The following CARS1 variants were observed in gnomAD, a reference collection of about 807,000 sequenced individuals.
CARS1 encodes cysteinyl-tRNA synthetase 1.
A neutral mutation model predicts 106.2 loss-of-function variants in CARS1; 48 were observed. That is an observed-to-expected ratio of 0.45 (90% confidence interval 0.36 to 0.57). The LOEUF (loss-of-function observed/expected upper bound fraction) is 0.57, where lower values mean the gene tolerates loss of function less well. CARS1 is among the 20% of genes least tolerant of loss of function. The pLI is 0.00. For missense variants in CARS1, 968 were observed against 1,057.2 expected, an observed-to-expected ratio of 0.92 and a Z score of 1.17; for synonymous variants, 409 against 403.4, an observed-to-expected ratio of 1.01 and a Z score of -0.17.
At chr11:3,012,099 C>A in intron 18 of CARS1, 96 bp downstream of exon 18, 1 of 1,131,130 alleles carries the variant, frequency 8.8e-7, no homozygotes, top group Non-Finnish European at 1.3e-6. Flanking sequence ...GAGGATGATC[C>A]GGCCTGAACG....
At chr11:3,042,403 C>A in intron 2 of CARS1, 147 bp from the exon 3 acceptor site, 1 of 593,300 alleles carries the variant, frequency 1.7e-6, no homozygotes. Context: ...TCTCGGTCAA[C>A]ATTACGCAGG....
Position 3,050,067 on chromosome 11 carries a change from G to A in CARS1, c.26-2066C>T, listed in dbSNP as rs1165177318. Among the ~76,000 whole-genome samples the A allele has an allele frequency of 4.6e-5, 7 of 152,206 alleles. No individual in the cohort carries two copies. Among genetic ancestry groups the A allele is most frequent in the African/African-American group, 1.4e-4 (6 of 41,444 alleles). ...GCTCTTCACCCGCCAGGGAGCCTAC[G>A]GAGCCACGTGATGCCCCAAGGCCCA... is the stretch of plus-strand genomic sequence containing the variant. On this transcript the variant is annotated intron_variant, in intron 1 of 22. Coordinates refer to ENST00000380525, the MANE Select transcript of CARS1 (RefSeq NM_001014437.3). The surrounding 1 kb of genome is among the most constrained non-coding windows in gnomAD (Gnocchi z 6.3).
At chr11:3,024,414 G>C (rs563723982) in intron 10 of CARS1, among the ~76,000 whole-genome samples, 2 of 151,962 alleles carry the variant, frequency 1.3e-5, no homozygotes, top group Non-Finnish European at 2.9e-5. Context: ...CGTCCGTCCT[G>C]TCAGTGTTGG....
chr11:3,050,682 C>T lies in CARS1; in HGVS notation c.26-2681G>A, dbSNP rs1027986921. ...GGGCCCCCACCTGACTCACAATACC[C>T]TAGTCACATGGCCCCTCCACCTGCT... On this transcript the variant is annotated intron_variant, in intron 1 of 22. Coordinates refer to ENST00000380525, the MANE Select transcript of CARS1 (RefSeq NM_001014437.3). This position sits in a 1 kb window ranked among gnomAD's most constrained non-coding sequence, Gnocchi z 6.3. Among the ~76,000 whole-genome samples, 1 of 152,234 alleles carries T rather than the reference C, an allele frequency of 6.6e-6. No individual in the cohort carries two copies. The highest frequency in any genetic ancestry group is 2.1e-4 in the South Asian group (1 of 4,828).
chr11:3,042,283 G>C lies in CARS1; in HGVS notation c.275-27C>G, dbSNP rs776830980. The C allele has an allele frequency of 5.7e-6, 9 of 1,582,304 alleles. No individual in the cohort carries two copies. The Admixed American group carries it at 1.5e-4, about 27-fold the overall frequency. On this transcript the variant is annotated intron_variant, in intron 2 of 22. Coordinates refer to ENST00000380525, the MANE Select transcript of CARS1 (RefSeq NM_001014437.3). ...TGGGAGGCAGAGAGAGCAGGATCAG[G>C]GTCCAGGGGCAGCACCAGGAAGTGC...
Position 3,019,155 on chromosome 11 carries a change from T to C in CARS1, c.1379A>G (p.Glu460Gly). ...TTCACCTACCTCCGACTGTGCCAGC[T>C]CATTGTCATGGTGGGGGAACCGGAG... ...FDLRFPHHDN[E>G]LAQSEAYFEN... Residue 460 changes from glutamate (E) to glycine (G), a missense_variant, in exon 12 of 23, where the codon GAG (glutamate) becomes GGG (glycine). Transcript: ENST00000380525. The surrounding 1 kb of genome is among the most constrained non-coding windows in gnomAD (Gnocchi z 6.2). 6.6e-7 allele frequency: 1 copy of C among 1,523,098 alleles called. No individual in the cohort carries two copies. Among genetic ancestry groups the C allele is most frequent in the Non-Finnish European group, 8.8e-7 (1 of 1,139,280 alleles). The allele number at this position is 1,523,098 out of a possible 1,614,324, so 94.3% of individuals were successfully genotyped here. A position where few individuals can be genotyped will look rare whatever the true frequency, so the allele number is the denominator to read the frequency against.
chr11:3,017,093 G>A lies in CARS1; in HGVS notation c.1917+13C>T. ...ACAGGCTGAGGGATACGCCTGCCTG[G>A]GGCCTGGCTTACCTTCAGCATATGG... On this transcript the variant is annotated intron_variant, in intron 16 of 22. Coordinates refer to ENST00000380525, the MANE Select transcript of CARS1 (RefSeq NM_001014437.3). This position sits in a 1 kb window ranked among gnomAD's most constrained non-coding sequence, Gnocchi z 4.9. The A allele has an allele frequency of 1.2e-6, 2 of 1,605,764 alleles. No individual in the cohort carries two copies. Among genetic ancestry groups the A allele is most frequent in the Non-Finnish European group, 1.7e-6 (2 of 1,173,312 alleles).
Position 3,050,852 on chromosome 11 carries a change from CTT to C in CARS1, c.26-2853_26-2852del, listed in dbSNP as rs1855608553. Among the ~76,000 whole-genome samples the C allele has an allele frequency of 1.3e-5, 2 of 152,236 alleles. No homozygotes were observed. Among genetic ancestry groups the C allele is most frequent in the Non-Finnish European group, 2.9e-5 (2 of 68,044 alleles). On this transcript the variant is annotated intron_variant, in intron 1 of 22. Transcript: ENST00000380525. This position sits in a 1 kb window ranked among gnomAD's most constrained non-coding sequence, Gnocchi z 6.3. ...CCTCTAGACCCTGAGCCTGGCTGCT[CTT>C]TCTCTCCGCAGCACCCCTGTCTAAC... is the stretch of plus-strand genomic sequence containing the variant.
Position 3,053,896 on chromosome 11 carries a change from C to A in CARS1, c.25+3447G>T, listed in dbSNP as rs1855927947. ...TCAAAGGTCCCACCAGGGTCCTCAT[C>A]TTGTGGGTGTCCAGGCAACATCTCA... On this transcript the variant is annotated intron_variant, in intron 1 of 22. Coordinates refer to ENST00000380525, the MANE Select transcript of CARS1 (RefSeq NM_001014437.3). This position sits in a 1 kb window ranked among gnomAD's most constrained non-coding sequence, Gnocchi z 6.6. Among the ~76,000 whole-genome samples the A allele has an allele frequency of 6.6e-6, 1 of 152,188 alleles. No homozygotes were observed. Among genetic ancestry groups the A allele is most frequent in the Non-Finnish European group, 1.5e-5 (1 of 68,020 alleles).
In CARS1 at chr11:3,048,959, G is replaced by A. The variant is rs1262394807; in HGVS notation, c.26-958C>T. Among the ~76,000 whole-genome samples, 2 of 152,184 alleles carry A rather than the reference G, an allele frequency of 1.3e-5. No individual in the cohort carries two copies. Among genetic ancestry groups the A allele is most frequent in the African/African-American group, 4.8e-5 (2 of 41,452 alleles). ...TTCCGCATGTCACCATTGGGAGGAG[G>A]AGCAGAACCCTAACTTTCACCACTG... On this transcript the variant is annotated intron_variant, in intron 1 of 22. Coordinates refer to ENST00000380525, the MANE Select transcript of CARS1 (RefSeq NM_001014437.3). The surrounding 1 kb of genome is among the most constrained non-coding windows in gnomAD (Gnocchi z 5.1).
At chr11:3,032,219 C>T (rs534553656) in intron 7 of CARS1, among the ~76,000 whole-genome samples, 13 of 151,936 alleles carry the variant, frequency 8.6e-5, no homozygotes, top group African/African-American at 2.2e-4. Context: ...ATTACAGTCA[C>T]GTGACGCCAC....
intron 20 of CARS1, among the ~76,000 whole-genome samples, chr11:3,005,026 T>C (rs1490869827): frequency 6.7e-6 from 1 of 149,432 alleles, no homozygotes; most frequent in African/African-American, 2.5e-5. Context: ...GAGAATCCCT[T>C]GAACCAGGGA....
chr11:3,033,406 C>A (rs914916859), intron 7 of CARS1, among the ~76,000 whole-genome samples: 1 of 151,994 alleles, frequency 6.6e-6, no homozygotes, highest in Non-Finnish European at 1.5e-5. Context: ...AAGCGAATAA[C>A]AATAAGTTAA....
rs1853730836 is a variant in CARS1 at position 3,037,016 on chromosome 11, A to G, written c.801+1034T>C. Reference sequence around the variant, plus strand: ...GTGTGTTTTACCACAATTAAAAAAAAAAAAAGAATATTAGTGGAACAACTG... The same window carrying G: ...GTGTGTTTTACCACAATTAAAAAAAGAAAAAGAATATTAGTGGAACAACTG... On this transcript the variant is annotated intron_variant, in intron 7 of 22. Transcript: ENST00000380525. This position sits in a 1 kb window ranked among gnomAD's most constrained non-coding sequence, Gnocchi z 5.9. 1.3e-5 allele frequency among the ~76,000 whole-genome samples: 2 copies of G among 152,344 alleles called. No homozygotes were observed. The highest frequency in any genetic ancestry group is 4.1e-4 in the South Asian group (2 of 4,834).
In CARS1 at chr11:3,002,998, TG is replaced by T. The variant is rs1488048106; in HGVS notation, c.2218-399del. ...TGTGAGGGTTATCCTGAGTGGGTCT[TG>T]GGGTACCTGGGAAGGAGCAAGAGCG... On this transcript the variant is annotated intron_variant, in intron 20 of 22. Coordinates refer to ENST00000380525, the MANE Select transcript of CARS1 (RefSeq NM_001014437.3). 2.6e-5 allele frequency among the ~76,000 whole-genome samples: 4 copies of T among 152,108 alleles called. No homozygotes were observed. In the East Asian group the frequency reaches 7.7e-4, roughly 29 times the overall value.
chr11:3,030,538 G>C lies in CARS1; in HGVS notation c.802-1095C>G, dbSNP rs1255208083. The stretch of plus-strand genomic sequence containing the variant: ...AACACTGGGCCTGCCCCAAGTACAG[G>C]GAAACGCGCATCCTGGCCCTCAGGA... On this transcript the variant is annotated intron_variant, in intron 7 of 22. Transcript: ENST00000380525. This position sits in a 1 kb window ranked among gnomAD's most constrained non-coding sequence, Gnocchi z 5.7. 1 of 152,210 alleles carries C rather than the reference G, an allele frequency of 6.6e-6. No homozygotes were observed. The highest frequency in any genetic ancestry group is 1.5e-5 in the Non-Finnish European group (1 of 68,056). The allele number at this position is 152,210 out of a possible 1,614,324, so 9.4% of individuals were successfully genotyped here. A position where few individuals can be genotyped will look rare whatever the true frequency, so the allele number is the denominator to read the frequency against.
chr11:3,011,030 G>T (rs1850399644), intron 18 of CARS1, among the ~76,000 whole-genome samples: 1 of 152,192 alleles, frequency 6.6e-6, no homozygotes, highest in Non-Finnish European at 1.5e-5. Context: ...AGGTCAGTGT[G>T]ACCCGGCCAG....
chr11:3,001,098 T>C lies in CARS1; in HGVS notation c.*16A>G. On this transcript the variant is annotated 3_prime_UTR_variant, in exon 23 of 23. Coordinates refer to ENST00000380525, the MANE Select transcript of CARS1 (RefSeq NM_001014437.3). ...CACTAGTCCACAATGGTTTAAAAAG[T>C]CAGTCCTGTGCCCCCTCACTGGAAG... 6.2e-7 allele frequency: 1 copy of C among 1,613,602 alleles called. No individual in the cohort carries two copies. The highest frequency in any genetic ancestry group is 1.1e-5 in the South Asian group (1 of 91,084).
chr11:3,006,987 A>G, intron 18 of CARS1, 28 bp from the exon 19 acceptor site: 1 of 1,590,684 alleles, frequency 6.3e-7, no homozygotes, highest in Non-Finnish European at 8.6e-7. Context: ...CAGTTCCCTC[A>G]GACATGGAGG....
Sources: allele counts gnomAD v4.1 joint callset (sites outside exome capture counted in the v4.1 genomes callset), GRCh38; gene constraint gnomAD v4.1.1; non-coding constraint Gnocchi (gnomAD v3.1); transcripts MANE v1.5; gene names NCBI Gene and HGNC (gene_info 2026-07-23, HGNC 2026-07-21).